The following COL12A1 variants were observed in gnomAD, a reference collection of about 807,000 sequenced individuals.
The protein encoded by COL12A1 is collagen alpha-1(XII) chain.
COL12A1 carries 114 observed loss-of-function variants against 349.7 expected under a neutral mutation model. That is an observed-to-expected ratio of 0.33 (90% confidence interval 0.28 to 0.38). COL12A1 has a LOEUF of 0.38. Ranked by LOEUF, COL12A1 falls within the 10% of genes least tolerant of loss-of-function variation. The pLI is 1.00. For synonymous variants in COL12A1, 1,369 were observed against 1,329.0 expected (o/e 1.03, Z -0.66); for missense variants, 3,284 against 3,756.9 (o/e 0.87, Z 3.29).
In COL12A1 at chr6:75,085,346, G is replaced by A. The variant is rs1162139511; in HGVS notation, c.*1201C>T. ...GCTCGCGCTCAGGCAGGTAGGCCCC[G>A]CCCTCGGGCACGTAAGGCTCTGTCC... On this transcript the variant is annotated 3_prime_UTR_variant, in exon 66 of 66. Transcript: ENST00000322507. The A allele has an allele frequency of 4.2e-6, 2 of 470,992 alleles. No homozygotes were observed. Among genetic ancestry groups the A allele is most frequent in the South Asian group, 1.5e-5 (1 of 64,558 alleles). 29.2% of individuals were successfully genotyped at this position (470,992 alleles called of 1,614,324 possible). A position where few individuals can be genotyped will look rare whatever the true frequency, so the allele number is the denominator to read the frequency against.
Position 75,183,526 on chromosome 6 carries a change from A to C in COL12A1, c.1415T>G (p.Ile472Ser), listed in dbSNP as rs376078139. The C allele has an allele frequency of 6.2e-6, 10 of 1,614,158 alleles. No individual in the cohort carries two copies. Among genetic ancestry groups the C allele is most frequent in the Non-Finnish European group, 7.6e-6 (9 of 1,180,018 alleles). The change falls in exon 10 of 66, where the codon ATT (isoleucine) becomes AGT (serine). Residue 472 changes from isoleucine to serine, a missense_variant. Around this residue, in one of 2 missense-constraint regions of COL12A1, gnomAD observed 2,601 missense variants for 2,824.8 expected, o/e 0.92. Coordinates refer to ENST00000322507, the MANE Select transcript of COL12A1 (RefSeq NM_004370.6). ...ACTAATCTGGACCCTATTTGGTGAA[A>C]TTTCAAAACTTTTTACAAGAACTTC... ...FLEVLVKSFE[I>S]SPNRVQISLV...
At chr6:75,138,786 T>C (rs781435753) in intron 28 of COL12A1, 36 bp downstream of exon 28, 2 of 1,611,750 alleles carry the variant, frequency 1.2e-6, no homozygotes, top group African/African-American at 1.3e-5. Flanking sequence ...AAATGGGACA[T>C]GAAAGACAGA....
intron 58 of COL12A1, 39 bp downstream of exon 58, chr6:75,101,561 C>A (rs1383452151): frequency 6.3e-7 from 1 of 1,590,006 alleles, no homozygotes; most frequent in Non-Finnish European, 8.6e-7. Context: ...CATATGACAT[C>A]ATTTCCAACA....
intron 58 of COL12A1, among the ~76,000 whole-genome samples, chr6:75,099,049 C>T (rs777704780): frequency 2.0e-5 from 3 of 152,086 alleles, no homozygotes; most frequent in East Asian, 1.9e-4. Context: ...TCTCATTTTC[C>T]GCAGAGAATG....
At position 75,148,399 on chromosome 6, in the gene COL12A1, T is replaced by C; in HGVS notation, c.4246A>G (p.Lys1416Glu). The C allele has an allele frequency of 1.2e-6, 2 of 1,612,778 alleles. No individual in the cohort carries two copies. Among genetic ancestry groups the C allele is most frequent in the South Asian group, 2.2e-5 (2 of 90,998 alleles). The change falls in exon 22 of 66, where the codon AAG becomes GAG. Residue 1416 changes from lysine (K) to glutamate (E), a missense_variant. Physicochemically the swap from Lys to Glu is moderately conservative, Grantham distance 56. Around this residue, in one of 2 missense-constraint regions of COL12A1, gnomAD observed 2,601 missense variants for 2,824.8 expected, o/e 0.92. Transcript: ENST00000322507. The stretch of plus-strand genomic sequence containing the variant: ...CCAGAAACTGGATAGTATTCCACCT[T>C]ATATCGATCCACACTGTCAGAAGGT... ...TPPSDSVDRY[K>E]VEYYPVSGGK...
At chr6:75,194,745 T>C in intron 3 of COL12A1, 86 bp downstream of exon 3, 1 of 810,210 alleles carries the variant, frequency 1.2e-6, no homozygotes, top group Non-Finnish European at 1.9e-6. Flanking sequence ...AAGCACAGCT[T>C]CTTCATGATG....
chr6:75,139,375 G>A (rs866207620), intron 27 of COL12A1, among the ~76,000 whole-genome samples: 5 of 152,086 alleles, frequency 3.3e-5, no homozygotes, highest in Non-Finnish European at 7.4e-5. Flanking sequence ...CTTATTAACC[G>A]AGAATGTCAT....
At chr6:75,130,778 C>T in intron 36 of COL12A1, 74 bp downstream of exon 36, 1 of 1,582,524 alleles carries the variant, frequency 6.3e-7, no homozygotes, top group Non-Finnish European at 8.6e-7. Flanking sequence ...CCCCCTCCCA[C>T]CACTCATTCA....
intron 11 of COL12A1, among the ~76,000 whole-genome samples, chr6:75,179,398 G>A (rs748614451): frequency 8.6e-5 from 13 of 151,942 alleles, no homozygotes; most frequent in Non-Finnish European, 1.5e-4. Flanking sequence ...CAGCAGTGTG[G>A]GCATTACAGG....
chr6:75,169,419 A>G (rs240721), intron 13 of COL12A1, among the ~76,000 whole-genome samples: 16,736 of 152,196 alleles, frequency 0.11, 1,706 homozygotes, highest in African/African-American at 0.26. Flanking sequence ...AGGGGAAGGC[A>G]TAGAAACAGT....
chr6:75,134,526 G>T (rs566347144), intron 32 of COL12A1, among the ~76,000 whole-genome samples, 200 bp downstream of exon 32: 1 of 151,918 alleles, frequency 6.6e-6, no homozygotes, highest in Non-Finnish European at 1.5e-5. Context: ...AGCCAAGATC[G>T]TGCCACTGCA....
chr6:75,192,102 T>G, intron 4 of COL12A1, 110 bp downstream of exon 4: 1 of 820,506 alleles, frequency 1.2e-6, no homozygotes, highest in Non-Finnish European at 1.8e-6. Context: ...AAAAAAATAG[T>G]TAGTACTGCT....
intron 27 of COL12A1, among the ~76,000 whole-genome samples, chr6:75,139,167 T>C (rs1250124315): frequency 4.6e-5 from 7 of 152,228 alleles, no homozygotes; most frequent in Non-Finnish European, 7.3e-5. Flanking sequence ...GGATATTCTA[T>C]TTAAATGATT....
intron 2 of COL12A1, among the ~76,000 whole-genome samples, chr6:75,197,478 A>G (rs1770292372): frequency 6.6e-6 from 1 of 151,848 alleles, no homozygotes; most frequent in Non-Finnish European, 1.5e-5. Context: ...ATGCCTGGCT[A>G]ATTTTGTATT....
chr6:75,145,379 T>C lies in COL12A1; in HGVS notation c.4637A>G (p.Gln1546Arg). The C allele has an allele frequency of 1.9e-6, 3 of 1,613,952 alleles. No individual in the cohort carries two copies. In the South Asian group the frequency reaches 3.3e-5, roughly 18 times the overall value. Reference protein sequence around the residue: ...VPNTEYAVTVQAVLHDLTSEP... With the variant: ...VPNTEYAVTVRAVLHDLTSEP... ...ACTAGTGAGGTCGTGCAGGACAGCCTGGACTGTGACTGCATACTCCGTGTT... is the reference window on the plus strand; with the variant it reads ...ACTAGTGAGGTCGTGCAGGACAGCCCGGACTGTGACTGCATACTCCGTGTT... Residue 1546 changes from glutamine (Q) to arginine (R), a missense_variant, in exon 25 of 66, where the codon CAG (glutamine) becomes CGG (arginine). Coordinates refer to ENST00000322507, the MANE Select transcript of COL12A1 (RefSeq NM_004370.6).
chr6:75,154,594 C>T lies in COL12A1; in HGVS notation c.3444-57G>A. The T allele has an allele frequency of 5.4e-6, 8 of 1,488,384 alleles. No individual in the cohort carries two copies. The South Asian group carries it at 9.7e-5, about 18-fold the overall frequency. 92.2% of individuals were successfully genotyped at this position (1,488,384 alleles called of 1,614,324 possible). ...AGAACCATAGGCTCAAGTGGTAGCA[C>T]TTTTTTTTTGCTTTGTTAAAGACAT... On this transcript the variant is annotated intron_variant, in intron 16 of 65. Coordinates refer to ENST00000322507, the MANE Select transcript of COL12A1 (RefSeq NM_004370.6).
At chr6:75,186,369 G>A (rs1769620918) in intron 8 of COL12A1, among the ~76,000 whole-genome samples, 1 of 152,128 alleles carries the variant, frequency 6.6e-6, no homozygotes, top group Admixed American at 6.6e-5. Context: ...ACAAAAAAAA[G>A]TTCAACATTA....
At chr6:75,108,066 T>C (rs1015009702) in intron 52 of COL12A1, among the ~76,000 whole-genome samples, 2 of 150,354 alleles carry the variant, frequency 1.3e-5, no homozygotes, top group African/African-American at 5.0e-5. Flanking sequence ...GGTCTATTGA[T>C]TGACATTGAT....
intron 1 of COL12A1, among the ~76,000 whole-genome samples, chr6:75,204,519 A>C (rs1003429970): frequency 1.1e-4 from 16 of 152,146 alleles, no homozygotes; most frequent in Non-Finnish European, 2.1e-4. Flanking sequence ...AAAAAAGAAA[A>C]TGCTTTCTCT....
Sources: gnomAD v4.1 joint callset for allele counts (sites outside exome capture counted in the v4.1 genomes callset) on GRCh38, gnomAD v4.1.1 for gene constraint, gnomAD v4.1.1 regional missense constraint, MANE v1.5 for transcripts, NCBI Gene and HGNC (gene_info 2026-07-23, HGNC 2026-07-21) for gene names.